PTPRM: variants seen among roughly 807,000 people sequenced by gnomAD.
PTPRM encodes receptor-type tyrosine-protein phosphatase mu.
Under a neutral mutation model 186.7 loss-of-function variants are expected in PTPRM, and 47 were observed. That is an observed-to-expected ratio of 0.25 (90% CI 0.20 to 0.32). The LOEUF (loss-of-function observed/expected upper bound fraction) is 0.32. Ranked by LOEUF, PTPRM falls within the 10% of genes least tolerant of loss-of-function variation. The pLI is 1.00. For synonymous variants in PTPRM, 668 were observed against 674.9 expected (o/e 0.99, Z 0.16); for missense variants, 1,494 against 1,865.0 (o/e 0.80, Z 3.66).
At chr18:7,886,680 T>A (rs2146335625) in intron 2 of PTPRM, among the ~76,000 whole-genome samples, 1 of 152,340 alleles carries the variant, frequency 6.6e-6, no homozygotes, top group African/African-American at 2.4e-5. Flanking sequence ...TAACTCATCC[T>A]AAAACCTAGA....
Position 8,289,525 on chromosome 18 carries a change from CATATATAT to C in PTPRM, c.2755-6841_2755-6834del, listed in dbSNP as rs1229316727. On this transcript the variant is annotated intron_variant, in intron 19 of 32. Transcript: ENST00000580170. ...ATATGTGTGTGTATGTATATATATA[CATATATAT>C]ACACATATATATATATACATATATA... Among the ~76,000 whole-genome samples, 6 of 79,816 alleles carry C rather than the reference CATATATAT, an allele frequency of 7.5e-5. 1 individual carries two copies. Among genetic ancestry groups the C allele is most frequent in the African/African-American group, 3.2e-4 (5 of 15,754 alleles). 52.4% of individuals were successfully genotyped at this position (79,816 alleles called of 152,430 possible).
chr18:8,217,382 C>T (rs1035349456), intron 14 of PTPRM, among the ~76,000 whole-genome samples: 1 of 152,172 alleles, frequency 6.6e-6, no homozygotes, highest in Non-Finnish European at 1.5e-5. Flanking sequence ...CTGTGCCCAG[C>T]TCTGATGGAG....
intron 7 of PTPRM, among the ~76,000 whole-genome samples, chr18:8,021,315 GAGACACACACACACACACAC>G (rs2085207504): frequency 1.0e-5 from 1 of 99,134 alleles, no homozygotes; most frequent in Non-Finnish European, 2.0e-5. Flanking sequence ...AAGCATAAAA[GAGACACACACACACACACAC>G]ACACACACAC....
At chr18:7,968,742 A>G (rs2054322603) in intron 7 of PTPRM, among the ~76,000 whole-genome samples, 1 of 28,802 alleles carries the variant, frequency 3.5e-5, no homozygotes, top group East Asian at 5.0e-4. Flanking sequence ...GGATCAATTC[A>G]ACAAGAGGAG....
chr18:8,063,038 C>T (rs1302781936), intron 7 of PTPRM, among the ~76,000 whole-genome samples: 205 of 150,580 alleles, frequency 1.4e-3, no homozygotes, highest in East Asian at 2.5e-3. Context: ...TGGGCAATGG[C>T]GGGCGCCCCT....
At chr18:8,196,886 C>CT (rs1002804745) in intron 14 of PTPRM, among the ~76,000 whole-genome samples, 18 of 152,134 alleles carry the variant, frequency 1.2e-4, no homozygotes, top group African/African-American at 4.1e-4. Context: ...GGTGGGATGT[C>CT]TATCTGTATC....
intron 14 of PTPRM, among the ~76,000 whole-genome samples, chr18:8,148,777 TGTG>T (rs1443007628): frequency 6.6e-6 from 1 of 152,234 alleles, no homozygotes; most frequent in Non-Finnish European, 1.5e-5. Context: ...TGCTTTCTCT[TGTG>T]GGCCTTTAGT....
chr18:7,642,944 G>C (rs1183715799), intron 1 of PTPRM, among the ~76,000 whole-genome samples: 1 of 151,412 alleles, frequency 6.6e-6, no homozygotes, highest in Non-Finnish European at 1.5e-5. Flanking sequence ...TTCCATATTT[G>C]GGGTGATAGT....
At chr18:8,325,296 T>G (rs1247741598) in intron 22 of PTPRM, among the ~76,000 whole-genome samples, 1 of 152,206 alleles carries the variant, frequency 6.6e-6, no homozygotes, top group African/African-American at 2.4e-5. Context: ...AGGTAGTTTT[T>G]TAATCCTCTC....
chr18:8,170,209 T>C (rs1488291880), intron 14 of PTPRM, among the ~76,000 whole-genome samples: 2 of 152,134 alleles, frequency 1.3e-5, no homozygotes, highest in Admixed American at 1.3e-4. Context: ...ACACGATGAA[T>C]TTGAGGATAT....
intron 7 of PTPRM, among the ~76,000 whole-genome samples, chr18:8,064,125 A>G (rs2088858025): frequency 6.6e-6 from 1 of 152,182 alleles, no homozygotes; most frequent in Non-Finnish European, 1.5e-5. Flanking sequence ...GGAAGTTTAA[A>G]TGATTAGTTT....
chr18:7,980,264 T>C (rs2082476514), intron 7 of PTPRM, among the ~76,000 whole-genome samples: 1 of 152,170 alleles, frequency 6.6e-6, no homozygotes, highest in Non-Finnish European at 1.5e-5. Context: ...GTCTTGGTGT[T>C]TCGGAGGTTT....
At chr18:8,118,661 G>A (rs1358325765) in intron 13 of PTPRM, among the ~76,000 whole-genome samples, 6 of 151,998 alleles carry the variant, frequency 3.9e-5, no homozygotes, top group South Asian at 4.2e-4. Flanking sequence ...TTAGCCGGGC[G>A]CAGTGGTGGG....
At chr18:7,955,859 A>G (rs996937591) in intron 7 of PTPRM, among the ~76,000 whole-genome samples, 9 of 152,136 alleles carry the variant, frequency 5.9e-5, no homozygotes, top group African/African-American at 1.7e-4. Flanking sequence ...GTTTTCATTG[A>G]TGAGTGTTTA....
At chr18:8,339,069 T>C (rs1237443081) in intron 22 of PTPRM, among the ~76,000 whole-genome samples, 1 of 152,190 alleles carries the variant, frequency 6.6e-6, no homozygotes, top group Non-Finnish European at 1.5e-5. Context: ...TGATTTTTGA[T>C]ATCTCTCACT....
chr18:7,924,608 A>G lies in PTPRM; in HGVS notation c.548-1960A>G, dbSNP rs1438364958. Reference sequence around the variant, plus strand: ...AATCTAAAATGAACAGTCTTTAAGGATAGGTGTGTGGTTTTAATAATTGTA... The same window carrying G: ...AATCTAAAATGAACAGTCTTTAAGGGTAGGTGTGTGGTTTTAATAATTGTA... On this transcript the variant is annotated intron_variant, in intron 4 of 32. Coordinates refer to ENST00000580170, the MANE Select transcript of PTPRM (RefSeq NM_001105244.2). Among the ~76,000 whole-genome samples the G allele has an allele frequency of 3.3e-5, 5 of 152,120 alleles. No individual in the cohort carries two copies. The East Asian group carries it at 9.6e-4, about 29-fold the overall frequency.
chr18:7,775,499 G>A (rs186060546), intron 2 of PTPRM, among the ~76,000 whole-genome samples: 83 of 152,240 alleles, frequency 5.5e-4, no homozygotes, highest in African/African-American at 1.9e-3. Context: ...CTGTGGGGCC[G>A]TCGTTTCCCA....
chr18:7,610,041 G>A (rs184192499), intron 1 of PTPRM, among the ~76,000 whole-genome samples: 2 of 152,284 alleles, frequency 1.3e-5, no homozygotes, highest in East Asian at 3.9e-4. Context: ...CATCAACAGG[G>A]AGACCCATCA....
intron 19 of PTPRM, among the ~76,000 whole-genome samples, chr18:8,272,080 G>T (rs1481582403): frequency 1.3e-5 from 2 of 151,862 alleles, no homozygotes; most frequent in African/African-American, 4.8e-5. Flanking sequence ...GGGCGTGGTG[G>T]TGGGCGCCTG....
Sources: allele counts gnomAD v4.1 joint callset (sites outside exome capture counted in the v4.1 genomes callset), GRCh38; gene constraint gnomAD v4.1.1; transcripts MANE v1.5; gene names NCBI Gene and HGNC (gene_info 2026-07-23, HGNC 2026-07-21).